DSE: variants seen among roughly 807,000 people sequenced by gnomAD.
DSE encodes the protein dermatan-sulfate epimerase.
A neutral mutation model predicts 84.4 loss-of-function variants in DSE; 36 were observed. The observed-to-expected ratio is 0.43, with a 90% confidence interval of 0.33 to 0.56. DSE has a LOEUF of 0.56. Among genes scored for constraint, DSE ranks in the 20% least tolerant of loss-of-function variants. DSE has a pLI of 0.06. For missense variants in DSE, 862 were observed against 1,169.6 expected (o/e 0.74, Z 3.84); for synonymous variants, 410 against 430.1 (o/e 0.95, Z 0.58).
chr6:116,402,011 C>G (rs1439662511), intron 2 of DSE, among the ~76,000 whole-genome samples: 1 of 151,862 alleles, frequency 6.6e-6, no homozygotes, highest in Non-Finnish European at 1.5e-5. Context: ...TTTTGAAAGC[C>G]AGTTACTAAG....
At chr6:116,323,392 T>G (rs955876277) in intron 2 of DSE, among the ~76,000 whole-genome samples, 7 of 152,200 alleles carry the variant, frequency 4.6e-5, no homozygotes, top group Non-Finnish European at 7.4e-5. Flanking sequence ...TTCTATTTTT[T>G]TATTGAGTAG....
At chr6:116,341,907 G>A (rs1026058921) in intron 2 of DSE, among the ~76,000 whole-genome samples, 5 of 152,202 alleles carry the variant, frequency 3.3e-5, no homozygotes, top group Non-Finnish European at 7.3e-5. Flanking sequence ...TTGTAATATA[G>A]TTTGAAGTCA....
intron 2 of DSE, chr6:116,412,405 C>T (rs1434315348): frequency 6.6e-6 from 1 of 152,342 alleles, no homozygotes; most frequent in Non-Finnish European, 1.5e-5. Context: ...TCCTGGGTTC[C>T]TCCTGATGAT....
intron 1 of DSE, among the ~76,000 whole-genome samples, chr6:116,373,022 A>T (rs1489184206): frequency 6.6e-6 from 1 of 151,828 alleles, no homozygotes; most frequent in African/African-American, 2.4e-5. Flanking sequence ...CAGTTTAAAA[A>T]ATACTGAAAG....
chr6:116,351,776 T>G (rs17077864), intron 2 of DSE, among the ~76,000 whole-genome samples: 24,542 of 152,182 alleles, frequency 0.16, 2,152 homozygotes, highest in African/African-American at 0.21. Context: ...TAGTCTTTTC[T>G]GTCATCAGAG....
intron 2 of DSE, among the ~76,000 whole-genome samples, chr6:116,295,840 C>A (rs879860527): frequency 9.2e-5 from 14 of 152,276 alleles, no homozygotes; most frequent in Non-Finnish European, 1.6e-4. Context: ...TTAATTGGGA[C>A]TCCACTGAGG....
intron 2 of DSE, among the ~76,000 whole-genome samples, chr6:116,405,136 G>C (rs1781839041): frequency 6.6e-6 from 1 of 152,086 alleles, no homozygotes; most frequent in African/African-American, 2.4e-5. Context: ...ATATTGAAAT[G>C]AACCAGTTTC....
At chr6:116,394,011 T>C (rs1029730820) in intron 1 of DSE, among the ~76,000 whole-genome samples, 2 of 152,086 alleles carry the variant, frequency 1.3e-5, no homozygotes, top group African/African-American at 4.8e-5. Context: ...GGCAAAAAAA[T>C]GGAACTTTTA....
At chr6:116,361,359 G>A (rs890052382) in intron 2 of DSE, among the ~76,000 whole-genome samples, 4 of 152,224 alleles carry the variant, frequency 2.6e-5, no homozygotes, top group Middle Eastern at 3.4e-3. Context: ...GCACCCGGCC[G>A]AATATAAGTT....
chr6:116,352,089 T>C (rs183765767), intron 2 of DSE, among the ~76,000 whole-genome samples: 1 of 152,142 alleles, frequency 6.6e-6, no homozygotes, highest in Admixed American at 6.5e-5. Context: ...GCTCAAACCC[T>C]TGGAAAAGTT....
chr6:116,371,386 C>A (rs376732389), intron 1 of DSE, among the ~76,000 whole-genome samples: 1 of 152,234 alleles, frequency 6.6e-6, no homozygotes, highest in Non-Finnish European at 1.5e-5. Context: ...CCTCCCCACC[C>A]CCTTGAACGC....
intron 2 of DSE, among the ~76,000 whole-genome samples, chr6:116,326,291 C>T (rs796795904): frequency 7.5e-4 from 114 of 152,088 alleles, no homozygotes; most frequent in African/African-American, 2.6e-3. Context: ...GAGTCATAGC[C>T]TCTAGAGACG....
chr6:116,317,506 C>T (rs1325161851), intron 2 of DSE, among the ~76,000 whole-genome samples: 1 of 152,184 alleles, frequency 6.6e-6, no homozygotes, highest in Admixed American at 6.5e-5. Flanking sequence ...CTCTCTAACC[C>T]ATGTGGATAA....
chr6:116,258,627 G>T, exon 2 of DSE: 3 of 1,612,522 alleles, frequency 1.9e-6, no homozygotes, highest in Non-Finnish European at 2.5e-6. Context: ...TAATGTTCCG[G>T]AAGGCAGCCT....
At chr6:116,254,266 C>T (rs529249338) in exon 1 of DSE, 6 of 677,026 alleles carry the variant, frequency 8.9e-6, no homozygotes, top group Non-Finnish European at 1.4e-5. Flanking sequence ...GTTTTACTTA[C>T]GTAAATGGAT....
intron 1 of DSE, among the ~76,000 whole-genome samples, chr6:116,393,954 G>GT (rs1283952183): frequency 2.0e-5 from 3 of 152,134 alleles, no homozygotes; most frequent in Admixed American, 6.5e-5. Flanking sequence ...TTAGTGTTCA[G>GT]TTTTTTCTTC....
chr6:116,423,023 C>T (rs1269581792), intron 2 of DSE: 5 of 152,200 alleles, frequency 3.3e-5, no homozygotes, highest in Admixed American at 6.5e-5. Flanking sequence ...GTGAACCCAG[C>T]TTCCATTCCT....
intron 2 of DSE, among the ~76,000 whole-genome samples, chr6:116,298,581 A>G (rs1774810706): frequency 6.6e-6 from 1 of 152,212 alleles, no homozygotes; most frequent in Non-Finnish European, 1.5e-5. Context: ...CCCTTCTGAT[A>G]CCTTCAGTTT....
intron 2 of DSE, among the ~76,000 whole-genome samples, chr6:116,326,300 C>T (rs377567819): frequency 5.3e-5 from 8 of 152,050 alleles, no homozygotes; most frequent in Admixed American, 3.9e-4. Context: ...CCTCTAGAGA[C>T]GAAAGGAAAA....
Sources: gnomAD v4.1 joint callset for allele counts (sites outside exome capture counted in the v4.1 genomes callset) on GRCh38, gnomAD v4.1.1 for gene constraint, MANE v1.5 for transcripts, NCBI Gene and HGNC (gene_info 2026-07-23, HGNC 2026-07-21) for gene names.